The following ZNF534 variants were observed in gnomAD, a reference collection of about 807,000 sequenced individuals.
ZNF534 encodes the protein zinc finger protein 534.
ZNF534 carries 19 observed loss-of-function variants against 13.6 expected under a neutral mutation model. The observed-to-expected ratio is 1.40, with a 90% CI of 0.97 to 2.05. The LOEUF (loss-of-function observed/expected upper bound fraction) is 2.05, where lower values mean the gene tolerates loss of function less well. Among genes scored for constraint, ZNF534 ranks in the 30% most tolerant of loss-of-function variants. ZNF534 has a pLI of 0.00. For synonymous variants in ZNF534, 244 were observed against 273.8 expected, an observed-to-expected ratio of 0.89 and a Z score of 1.07; for missense variants, 782 against 796.3, an observed-to-expected ratio of 0.98 and a Z score of 0.22.
chr19:52,451,681 T>G (rs1271315942), exon 5 of ZNF534: 8 of 669,662 alleles, frequency 1.2e-5, no homozygotes, highest in Non-Finnish European at 1.9e-5. Flanking sequence ...CTTCTGGATG[T>G]TATGGAGAGT....
chr19:52,430,549 C>CTT (rs1390142460), intron 1 of ZNF534, among the ~76,000 whole-genome samples: 9 of 146,100 alleles, frequency 6.2e-5, no homozygotes, highest in African/African-American at 2.4e-4. Flanking sequence ...GAGGTCTGTG[C>CTT]TTTTTTTTTG....
chr19:52,438,840 T>C lies in ZNF534; in HGVS notation c.1380T>C (p.His460=), dbSNP rs2059149868. The part of the protein sequence containing the change: ...KSSLTYHCRI[H]TGEKPYKCNE... ...CCCTAACCTATCACTGTAGAATTCA[T>C]ACTGGAGAGAAGCCTTACAAATGTA... The change falls in exon 5 of 5, where the codon CAT becomes CAC. Residue 460 remains histidine, a synonymous_variant. Transcript: ENST00000433050. 4.3e-6 allele frequency: 7 copies of C among 1,612,168 alleles called. No individual in the cohort carries two copies. The highest frequency in any genetic ancestry group is 1.1e-5 in the South Asian group (1 of 90,812).
At chr19:52,444,094 A>G (rs1364921745), downstream of ZNF534, among the ~76,000 whole-genome samples, 1 of 145,752 alleles carries the variant, frequency 6.9e-6, no homozygotes. Context: ...TTATATTACC[A>G]GAGTTAGCTT....
intron 2 of ZNF534, chr19:52,433,744 C>T (rs1003510899): frequency 1.3e-5 from 8 of 629,790 alleles, no homozygotes; most frequent in Non-Finnish European, 2.3e-5. Flanking sequence ...CAAAATGAGA[C>T]ATCTACTCTG....
downstream of ZNF534, among the ~76,000 whole-genome samples, chr19:52,445,244 TGGAGTGC>T (rs895337921): frequency 6.6e-6 from 1 of 151,640 alleles, no homozygotes; most frequent in Non-Finnish European, 1.5e-5. Context: ...TCACCCAGGC[TGGAGTGC>T]AGTGGTGCAG....
intron 4 of ZNF534, among the ~76,000 whole-genome samples, chr19:52,435,735 C>T (rs529787075): frequency 1.8e-4 from 27 of 151,774 alleles, no homozygotes; most frequent in African/African-American, 6.3e-4. Context: ...GAACTCCTGA[C>T]CTCAAGTGAT....
In ZNF534 at chr19:52,439,326, A is replaced by G; in HGVS notation, c.1866A>G (p.Ala622=). 1 of 1,554,080 alleles carries G rather than the reference A, an allele frequency of 6.4e-7. No homozygotes were observed. The highest frequency in any genetic ancestry group is 8.7e-7 in the Non-Finnish European group (1 of 1,148,428). ...SKVFSRNSRL[A]QHRNIHTGVK... is the part of the protein sequence containing the mutation. ...TCTTCAGTCGGAATTCACGCCTTGC[A>G]CAACATAGGAATATTCATACTGGAG... The change falls in exon 5 of 5, where the codon GCA becomes GCG. Residue 622 remains alanine, a synonymous_variant. Transcript: ENST00000433050.
exon 5 of ZNF534, chr19:52,451,254 T>G (rs324104): frequency 1.2e-5 from 10 of 820,082 alleles, no homozygotes; most frequent in Non-Finnish European, 2.1e-5. Flanking sequence ...CCGGAGGTGC[T>G]GAGGAGCCAA....
chr19:52,435,771 C>G (rs1336886776), intron 4 of ZNF534, among the ~76,000 whole-genome samples: 1 of 151,892 alleles, frequency 6.6e-6, no homozygotes, highest in African/African-American at 2.4e-5. Context: ...TCCCAAAGTG[C>G]TGGGATTACA....
exon 5 of ZNF534, chr19:52,451,276 T>A: frequency 9.8e-7 from 1 of 1,021,378 alleles, no homozygotes. Context: ...CGGCCCAAAC[T>A]TTGTGGGAAA....
chr19:52,438,004 AGGGAAAAG>A lies in ZNF534; in HGVS notation c.545_552del (p.Arg182ThrfsTer5), dbSNP rs1275118889. ...CCCACAAGAACAGAAAGTACACATTAGGGAAAAGCCTTATGGATGTAATGAGCATGGGA... is the reference window on the plus strand; with the variant it reads ...CCCACAAGAACAGAAAGTACACATTACCTTATGGATGTAATGAGCATGGGA... On this transcript the variant is annotated frameshift_variant, in exon 5 of 5. Coordinates refer to ENST00000433050, the MANE Select transcript of ZNF534 (RefSeq NM_001143938.3). LOFTEE classifies it low-confidence loss of function (END_TRUNC). 6.2e-7 allele frequency: 1 copy of A among 1,614,178 alleles called. No individual in the cohort carries two copies. Among genetic ancestry groups the A allele is most frequent in the South Asian group, 1.1e-5 (1 of 91,084 alleles).
chr19:52,430,663 G>A (rs537723434), intron 1 of ZNF534, among the ~76,000 whole-genome samples: 94 of 151,312 alleles, frequency 6.2e-4, no homozygotes, highest in African/African-American at 2.2e-3. Context: ...CAATTCTCCT[G>A]CCTCAGCCTC....
At chr19:52,443,023 ATTGTTG>A (rs769016930), downstream of ZNF534, among the ~76,000 whole-genome samples, 1 of 152,280 alleles carries the variant, frequency 6.6e-6, no homozygotes, top group South Asian at 2.1e-4. Flanking sequence ...GAAGAGAATA[ATTGTTG>A]TTAGGTATTG....
At chr19:52,433,538 T>A (rs919472901) in intron 2 of ZNF534, among the ~76,000 whole-genome samples, 11 of 151,962 alleles carry the variant, frequency 7.2e-5, no homozygotes, top group African/African-American at 2.4e-4. Flanking sequence ...GGCTAATTTT[T>A]TGTATTTTTA....
chr19:52,451,275 C>T (rs1382463225), exon 5 of ZNF534: 1 of 1,018,332 alleles, frequency 9.8e-7, no homozygotes, highest in Non-Finnish European at 1.5e-6. Flanking sequence ...CCGGCCCAAA[C>T]TTTGTGGGAA....
chr19:52,430,885 C>T (rs1251713835), intron 1 of ZNF534, among the ~76,000 whole-genome samples: 1 of 151,414 alleles, frequency 6.6e-6, no homozygotes, highest in Non-Finnish European at 1.5e-5. Context: ...GAGTTTCACC[C>T]TGTCACCCAG....
rs561069372 is a variant in ZNF534, at chr19:52,439,460, C to A, written c.*14C>A. 2.7e-6 allele frequency: 4 copies of A among 1,499,852 alleles called. No individual in the cohort carries two copies. The African/African-American group carries it at 5.6e-5, about 21-fold the overall frequency. 92.9% of individuals were successfully genotyped at this position (1,499,852 alleles called of 1,614,324 possible). A position where few individuals can be genotyped will look rare whatever the true frequency, so the allele number is the denominator to read the frequency against. On this transcript the variant is annotated 3_prime_UTR_variant, in exon 5 of 5. Coordinates refer to ENST00000433050, the MANE Select transcript of ZNF534 (RefSeq NM_001143938.3). Reference sequence around the variant, plus strand: ...GAGAAGCCTTAAAAATTTAGTGAAGCTGGCAGGGCGCAGTGGCTCACGTCT... The same window carrying A: ...GAGAAGCCTTAAAAATTTAGTGAAGATGGCAGGGCGCAGTGGCTCACGTCT...
exon 5 of ZNF534, chr19:52,451,273 A>C: frequency 1.0e-6 from 1 of 1,003,182 alleles, no homozygotes; most frequent in Admixed American, 2.0e-5. Flanking sequence ...AACCGGCCCA[A>C]ACTTTGTGGG....
chr19:52,445,952 G>A (rs2059192995), downstream of ZNF534, among the ~76,000 whole-genome samples: 1 of 152,120 alleles, frequency 6.6e-6, no homozygotes, highest in Non-Finnish European at 1.5e-5. Flanking sequence ...ATAAATGAAA[G>A]TTTTCTTTTG....
Sources: allele counts gnomAD v4.1 joint callset (sites outside exome capture counted in the v4.1 genomes callset), GRCh38; gene constraint gnomAD v4.1.1; transcripts MANE v1.5; gene names NCBI Gene and HGNC (gene_info 2026-07-23, HGNC 2026-07-21).